STK31: variants seen among roughly 807,000 people sequenced by gnomAD.
STK31 encodes serine/threonine-protein kinase 31.
A neutral mutation model predicts 129.7 loss-of-function variants in STK31; 89 were observed. The observed-to-expected ratio is 0.69, with a 90% CI of 0.58 to 0.82. The LOEUF (loss-of-function observed/expected upper bound fraction) is 0.82, where lower values mean the gene tolerates loss of function less well. Among genes scored for constraint, STK31 ranks in the 40% least tolerant of loss-of-function variants. The pLI, the probability that STK31 is intolerant of heterozygous loss-of-function variation, is 0.00. For missense variants in STK31, 1,187 were observed against 1,176.4 expected (o/e 1.01, Z -0.13); for synonymous variants, 448 against 395.3 (o/e 1.13, Z -1.58).
intron 6 of STK31, among the ~76,000 whole-genome samples, chr7:23,734,066 C>G (rs1021898087): frequency 3.3e-5 from 5 of 152,166 alleles, no homozygotes; most frequent in Non-Finnish European, 4.4e-5. Context: ...CCCCACACCC[C>G]CTATTTCTTT....
At chr7:23,782,803 CTTAATA>C (rs1791019610) in intron 16 of STK31, among the ~76,000 whole-genome samples, 1 of 152,014 alleles carries the variant, frequency 6.6e-6, no homozygotes, top group Non-Finnish European at 1.5e-5. Flanking sequence ...TCACTGTGTT[CTTAATA>C]TTTTGAGAAA....
At chr7:23,726,982 T>TC (rs1206153675) in intron 4 of STK31, among the ~76,000 whole-genome samples, 1 of 152,078 alleles carries the variant, frequency 6.6e-6, no homozygotes, top group African/African-American at 2.4e-5. Context: ...TACCCCTCCC[T>TC]CCTCATTTTG....
intron 23 of STK31, among the ~76,000 whole-genome samples, chr7:23,825,421 A>G (rs1231033382): frequency 6.6e-6 from 1 of 152,066 alleles, no homozygotes; most frequent in African/African-American, 2.4e-5. Context: ...GGTAGTTTGT[A>G]TTTCTGTGGG....
chr7:23,798,066 T>C (rs796381470), intron 22 of STK31, among the ~76,000 whole-genome samples: 54 of 152,228 alleles, frequency 3.5e-4, no homozygotes, highest in African/African-American at 1.1e-3. Context: ...GTCGAATCCC[T>C]GAATAGACCA....
intron 8 of STK31, among the ~76,000 whole-genome samples, chr7:23,738,248 A>G (rs1313276178): frequency 3.3e-5 from 5 of 152,174 alleles, no homozygotes; most frequent in Non-Finnish European, 7.3e-5. Context: ...AATGGAAGAT[A>G]TATATAAGGC....
chr7:23,774,768 C>A (rs1035767830), intron 15 of STK31, among the ~76,000 whole-genome samples: 18 of 152,264 alleles, frequency 1.2e-4, no homozygotes, highest in Admixed American at 9.8e-4. Context: ...TGTGCAGAAG[C>A]TCTTTAGTTT....
At position 23,787,070 on chromosome 7, in the gene STK31, T is replaced by C. The variant is rs188125182; in HGVS notation, c.2487+146T>C. On this transcript the variant is annotated intron_variant, in intron 20 of 23. Coordinates refer to ENST00000355870, the MANE Select transcript of STK31 (RefSeq NM_031414.5). ...TGTCACCTCAAGCCTGTGATAGAAGTTATCGTGTTATATAGATGAGAAAAA... is the reference window on the plus strand; with the variant it reads ...TGTCACCTCAAGCCTGTGATAGAAGCTATCGTGTTATATAGATGAGAAAAA... The C allele has an allele frequency of 1.3e-4, 91 of 726,416 alleles. No homozygotes were observed. In the East Asian group the frequency reaches 2.1e-3, roughly 17 times the overall value. The allele number at this position is 726,416 out of a possible 1,614,324, so 45.0% of individuals were successfully genotyped here.
chr7:23,777,655 A>G (rs1484656376), intron 15 of STK31, among the ~76,000 whole-genome samples: 2 of 151,650 alleles, frequency 1.3e-5, no homozygotes, highest in East Asian at 1.9e-4. Flanking sequence ...CAGGATTGCA[A>G]TCCCTGCTTT....
chr7:23,716,134 C>G (rs1177736280), intron 3 of STK31, among the ~76,000 whole-genome samples: 1 of 152,232 alleles, frequency 6.6e-6, no homozygotes, highest in East Asian at 1.9e-4. Flanking sequence ...AGTTGTGTAT[C>G]CTTGGTTTCC....
At chr7:23,806,981 T>A (rs1372304064) in intron 22 of STK31, among the ~76,000 whole-genome samples, 1 of 151,242 alleles carries the variant, frequency 6.6e-6, no homozygotes, top group Non-Finnish European at 1.5e-5. Flanking sequence ...TGTACAGGAA[T>A]TTCGTGTATT....
At chr7:23,724,835 GTTAT>G (rs975094978) in intron 4 of STK31, among the ~76,000 whole-genome samples, 13 of 152,068 alleles carry the variant, frequency 8.5e-5, no homozygotes, top group African/African-American at 3.1e-4. Context: ...CTTTTGAATT[GTTAT>G]TTATTTATTT....
chr7:23,787,459 C>T (rs936760839), intron 20 of STK31, among the ~76,000 whole-genome samples: 2 of 151,980 alleles, frequency 1.3e-5, no homozygotes, highest in African/African-American at 4.8e-5. Context: ...CAGTCTGTGG[C>T]CTGTTAAGAA....
At position 23,730,878 on chromosome 7, in the gene STK31, ATTTT is replaced by A. The variant is rs60712892; in HGVS notation, c.483+1644_483+1647del. Among the ~76,000 whole-genome samples the A allele has an allele frequency of 1.1e-3, 68 of 59,538 alleles. 2 individuals carry two copies. The highest frequency in any genetic ancestry group is 2.2e-3 in the African/African-American group (38 of 17,364). 39.1% of individuals were successfully genotyped at this position (59,538 alleles called of 152,430 possible). ...CATTTATATATATATATATATATAT[ATTTT>A]TTTTTTTTTTTTTTGGTTGGGGGTT... On this transcript the variant is annotated intron_variant, in intron 6 of 23. Transcript: ENST00000355870.
At position 23,832,223 on chromosome 7, in the gene STK31, T is replaced by C. The variant is rs768534679; in HGVS notation, c.2917T>C (p.Leu973=). The change falls in exon 24 of 24, where the codon TTG becomes CTG. Residue 973 remains leucine (L), a synonymous_variant. Coordinates refer to ENST00000355870, the MANE Select transcript of STK31 (RefSeq NM_031414.5). The part of the protein sequence containing the change: ...AEQVLNAECF[L]MPKEQSVPNP... ...ACAAGTTTTAAATGCTGAATGTTTC[T>C]TGATGCCAAAGGAGCAATCAGTTCC... The C allele has an allele frequency of 6.2e-7, 1 of 1,614,180 alleles. No homozygotes were observed. The highest frequency in any genetic ancestry group is 1.1e-5 in the South Asian group (1 of 91,086).
intron 10 of STK31, among the ~76,000 whole-genome samples, 181 bp downstream of exon 10, chr7:23,754,655 C>G (rs546806205): frequency 9.8e-4 from 149 of 152,300 alleles, no homozygotes; most frequent in Admixed American, 6.9e-3. Context: ...CCTCACCCCC[C>G]CATTTCCTAA....
intron 4 of STK31, among the ~76,000 whole-genome samples, chr7:23,720,933 A>G (rs559789949): frequency 2.6e-5 from 4 of 152,330 alleles, no homozygotes; most frequent in South Asian, 2.1e-4. Flanking sequence ...GGAAATGCAA[A>G]CAACTGCAAT....
rs746386632 is a variant in STK31, at chr7:23,735,721, GA to G, written c.675del (p.Lys225AsnfsTer35). 5.0e-6 allele frequency: 8 copies of G among 1,613,646 alleles called. No homozygotes were observed. Among genetic ancestry groups the G allele is most frequent in the East Asian group, 4.5e-5 (2 of 44,870 alleles). ...RLASRTDICE[E>X]KKLDPGQLVL... ...TGCTTCCAGAACTGACATCTGTGAG[GA>G]AAAAAAATTGGATCCTGGTCAACTT... On this transcript the variant is annotated frameshift_variant, in exon 7 of 24. Coordinates refer to ENST00000355870, the MANE Select transcript of STK31 (RefSeq NM_031414.5). LOFTEE classifies it high-confidence loss of function.
intron 23 of STK31, among the ~76,000 whole-genome samples, chr7:23,818,246 T>A (rs923834954): frequency 1.3e-5 from 2 of 152,168 alleles, no homozygotes; most frequent in African/African-American, 4.8e-5. Flanking sequence ...GTGAAAAAAA[T>A]GATTTCATTT....
chr7:23,798,217 A>G (rs890504775), intron 22 of STK31, among the ~76,000 whole-genome samples: 1 of 152,226 alleles, frequency 6.6e-6, no homozygotes, highest in Non-Finnish European at 1.5e-5. Context: ...TCCAAACAGT[A>G]GAAAAAGAGG....
Sources: allele counts gnomAD v4.1 joint callset (sites outside exome capture counted in the v4.1 genomes callset), GRCh38; gene constraint gnomAD v4.1.1; transcripts MANE v1.5; gene names NCBI Gene and HGNC (gene_info 2026-07-23, HGNC 2026-07-21).